The following L3MBTL3 variants were observed in gnomAD, a reference collection of about 807,000 sequenced individuals.
L3MBTL3 encodes L3MBTL histone methyl-lysine binding protein 3, also known as lethal(3)malignant brain tumor-like protein 3.
In L3MBTL3, 27 loss-of-function variants were observed where a neutral mutation model predicts 102.3. The ratio of observed to expected loss-of-function variants is 0.26; its 90% confidence interval spans 0.19 to 0.36. L3MBTL3 has a LOEUF of 0.36. Among genes scored for constraint, L3MBTL3 ranks in the 10% least tolerant of loss-of-function variants. The pLI, the probability that L3MBTL3 is intolerant of heterozygous loss-of-function variation, is 1.00. For synonymous variants in L3MBTL3, 340 were observed against 320.9 expected (o/e 1.06, Z -0.64); for missense variants, 798 against 955.3 (o/e 0.84, Z 2.17).
chr6:130,136,737 C>T (rs1375762761), intron 22 of L3MBTL3, among the ~76,000 whole-genome samples: 1 of 152,118 alleles, frequency 6.6e-6, no homozygotes, highest in Non-Finnish European at 1.5e-5. Flanking sequence ...CATGCTTCAG[C>T]CTCCCAAGTA....
intron 22 of L3MBTL3, chr6:130,137,911 A>G (rs996470825): frequency 3.9e-5 from 6 of 152,260 alleles, no homozygotes; most frequent in African/African-American, 9.6e-5. Flanking sequence ...GAACAGACCA[A>G]TGTTTCCAGA....
intron 2 of L3MBTL3, among the ~76,000 whole-genome samples, chr6:130,032,773 G>C (rs112242748): frequency 9.2e-5 from 14 of 152,300 alleles, no homozygotes; most frequent in African/African-American, 2.9e-4. Flanking sequence ...GAAGAATCAC[G>C]TGAGGCCTGC....
intron 19 of L3MBTL3, among the ~76,000 whole-genome samples, chr6:130,120,625 T>A (rs1786091626): frequency 6.6e-6 from 1 of 152,264 alleles, no homozygotes; most frequent in Admixed American, 6.5e-5. Flanking sequence ...AGCTACATTT[T>A]CCAGAATAGT....
At chr6:130,021,406 A>G (rs930870511) in intron 1 of L3MBTL3, among the ~76,000 whole-genome samples, 1 of 152,200 alleles carries the variant, frequency 6.6e-6, no homozygotes, top group Admixed American at 6.5e-5. Context: ...AATTCTGAGG[A>G]CTCAGACCCT....
intron 16 of L3MBTL3, among the ~76,000 whole-genome samples, chr6:130,089,060 ATCTT>A (rs1272609036): frequency 6.6e-6 from 1 of 151,938 alleles, no homozygotes; most frequent in Non-Finnish European, 1.5e-5. Flanking sequence ...TCAGTACTCT[ATCTT>A]TTTATTATTA....
At chr6:130,074,268 A>G (rs1234772951) in intron 13 of L3MBTL3, among the ~76,000 whole-genome samples, 3 of 152,228 alleles carry the variant, frequency 2.0e-5, no homozygotes, top group South Asian at 2.1e-4. Flanking sequence ...AAACATTTCT[A>G]ACTTCCAAAG....
chr6:130,111,465 A>G (rs372741331), intron 19 of L3MBTL3, among the ~76,000 whole-genome samples: 19 of 152,290 alleles, frequency 1.2e-4, no homozygotes, highest in African/African-American at 4.6e-4. Flanking sequence ...AGACAGGTGG[A>G]TCAGGCTGGT....
intron 10 of L3MBTL3, among the ~76,000 whole-genome samples, chr6:130,065,046 G>C (rs1782157513): frequency 7.1e-6 from 1 of 140,698 alleles, no homozygotes; most frequent in Non-Finnish European, 1.6e-5. Context: ...TATTTCCCAG[G>C]GATTCCAGTC....
chr6:130,117,013 G>T (rs1375241538), intron 19 of L3MBTL3, among the ~76,000 whole-genome samples: 5 of 136,948 alleles, frequency 3.7e-5, no homozygotes, highest in African/African-American at 1.4e-4. Flanking sequence ...GGGTACATGT[G>T]CACATTGTGC....
chr6:130,026,979 AAGT>A (rs760899234), intron 2 of L3MBTL3, among the ~76,000 whole-genome samples: 53 of 152,088 alleles, frequency 3.5e-4, no homozygotes, highest in Middle Eastern at 3.2e-3. Flanking sequence ...CCTAGAATCA[AAGT>A]AAAAGATGAA....
chr6:130,070,965 T>C lies in L3MBTL3; in HGVS notation c.1093-11T>C. The C allele has an allele frequency of 6.2e-7, 1 of 1,610,828 alleles. No individual in the cohort carries two copies. The highest frequency in any genetic ancestry group is 8.5e-7 in the Non-Finnish European group (1 of 1,178,164). On this transcript the variant is annotated splice_polypyrimidine_tract_variant and intron_variant, in intron 12 of 22. Coordinates refer to ENST00000361794, the MANE Select transcript of L3MBTL3 (RefSeq NM_032438.4). The stretch of plus-strand genomic sequence containing the variant: ...GTGCTTATCTCTAATTAAATCTGTG[T>C]GTTTCCATAGACAGTGATCCCATCG...
intron 20 of L3MBTL3, among the ~76,000 whole-genome samples, chr6:130,121,275 G>A (rs1387499734): frequency 6.6e-6 from 1 of 152,060 alleles, no homozygotes; most frequent in Non-Finnish European, 1.5e-5. Context: ...CCTTCTTCGT[G>A]TTTGTAGGTT....
At chr6:130,107,355 G>C (rs185463954) in intron 19 of L3MBTL3, among the ~76,000 whole-genome samples, 2 of 152,180 alleles carry the variant, frequency 1.3e-5, no homozygotes, top group East Asian at 3.9e-4. Flanking sequence ...ACATAACCAG[G>C]ATGCAGTAAG....
chr6:130,068,129 T>G (rs1404169001), intron 11 of L3MBTL3, among the ~76,000 whole-genome samples: 1 of 152,224 alleles, frequency 6.6e-6, no homozygotes, highest in Non-Finnish European at 1.5e-5. Flanking sequence ...TACCATTCAT[T>G]CAGAATTGGA....
intron 8 of L3MBTL3, among the ~76,000 whole-genome samples, chr6:130,056,624 A>C (rs759188965): frequency 2.5e-4 from 38 of 152,246 alleles, no homozygotes; most frequent in Non-Finnish European, 4.9e-4. Flanking sequence ...GAAGGGTGTA[A>C]ATTCCTCAGT....
At chr6:130,023,102 GT>G (rs555455329) in intron 2 of L3MBTL3, among the ~76,000 whole-genome samples, 44 of 151,122 alleles carry the variant, frequency 2.9e-4, no homozygotes, top group African/African-American at 1.0e-3. Flanking sequence ...TTTTCTGCCT[GT>G]TTTCCTGCCC....
chr6:130,124,978 A>T (rs755325966), intron 20 of L3MBTL3, among the ~76,000 whole-genome samples: 22 of 152,126 alleles, frequency 1.4e-4, no homozygotes, highest in Non-Finnish European at 3.1e-4. Flanking sequence ...CTCAAAAAAA[A>T]AAAAATAAAA....
intron 2 of L3MBTL3, among the ~76,000 whole-genome samples, chr6:130,036,157 G>C (rs2114623541): frequency 6.6e-6 from 1 of 152,300 alleles, no homozygotes; most frequent in South Asian, 2.1e-4. Context: ...TTGTATGTTT[G>C]TATGCAAGTA....
Position 130,070,922 on chromosome 6 carries a change from C to CT in L3MBTL3, c.1093-52dup. On this transcript the variant is annotated intron_variant, in intron 12 of 22. Transcript: ENST00000361794. ...CAGGAGGTGCAGAGAGTGTGCAGTT[C>CT]TTGTGGTTGTCAAGTGTGTGCTTAT... 2.6e-5 allele frequency: 37 copies of CT among 1,441,234 alleles called. No homozygotes were observed. In the South Asian group the frequency reaches 4.5e-4, roughly 17 times the overall value. 89.3% of individuals were successfully genotyped at this position (1,441,234 alleles called of 1,614,324 possible).
Sources: gnomAD v4.1 joint callset for allele counts (sites outside exome capture counted in the v4.1 genomes callset) on GRCh38, gnomAD v4.1.1 for gene constraint, MANE v1.5 for transcripts, NCBI Gene and HGNC (gene_info 2026-07-23, HGNC 2026-07-21) for gene names.